The following ATP2A3 variants were observed in gnomAD, a reference collection of about 807,000 sequenced individuals.
The protein encoded by ATP2A3 is ATPase sarcoplasmic/endoplasmic reticulum Ca2+ transporting 3, also known as sarcoplasmic/endoplasmic reticulum calcium ATPase 3.
Under a neutral mutation model 106.8 loss-of-function variants are expected in ATP2A3, and 61 were observed. The observed-to-expected ratio is 0.57, with a 90% CI of 0.46 to 0.71. The LOEUF is 0.71. ATP2A3 is among the 30% of genes least tolerant of loss of function. The pLI is 0.00. For synonymous variants in ATP2A3, 611 were observed against 609.3 expected (o/e 1.00, Z -0.04); for missense variants, 1,201 against 1,423.5 (o/e 0.84, Z 2.52).
chr17:3,953,665 T>C lies in ATP2A3; in HGVS notation c.136+28A>G. On this transcript the variant is annotated intron_variant, in intron 2 of 20. Coordinates refer to ENST00000397041, the MANE Select transcript of ATP2A3 (RefSeq NM_005173.4). This position sits in a 1 kb window ranked among gnomAD's most constrained non-coding sequence, Gnocchi z 5.1. ...CGACCCAGGGATGCTGCCCGCGGCCTAGAGGTCCATCCCGGTGCCAGCCTC... is the reference window on the plus strand; with the variant it reads ...CGACCCAGGGATGCTGCCCGCGGCCCAGAGGTCCATCCCGGTGCCAGCCTC... The C allele has an allele frequency of 6.4e-7, 1 of 1,560,818 alleles. No homozygotes were observed. Among genetic ancestry groups the C allele is most frequent in the Non-Finnish European group, 8.7e-7 (1 of 1,152,188 alleles).
rs751615148 is a variant in ATP2A3, at chr17:3,936,377, G to A, written c.2414C>T (p.Thr805Met). ...VNLVTDGLPA[T>M]ALGFNPPDLD... Reference sequence around the variant, plus strand: ...GTCTGGCGGGTTGAAGCCCAGAGCCGTGGCAGGTAGGCCGTCTGTCACCAG... The same window carrying A: ...GTCTGGCGGGTTGAAGCCCAGAGCCATGGCAGGTAGGCCGTCTGTCACCAG... The change falls in exon 16 of 21, where the codon ACG becomes ATG. Residue 805 changes from threonine (T) to methionine (M), a missense_variant. Thr to Met is a moderately conservative substitution (Grantham distance 81). Transcript: ENST00000397041. This position sits in a 1 kb window ranked among gnomAD's most constrained non-coding sequence, Gnocchi z 5.4. 9 of 1,614,140 alleles carry A rather than the reference G, an allele frequency of 5.6e-6. No homozygotes were observed. Among genetic ancestry groups the A allele is most frequent in the East Asian group, 2.2e-5 (1 of 44,884 alleles).
Position 3,951,565 on chromosome 17 carries a change from C to A in ATP2A3, c.324+16G>T. The A allele has an allele frequency of 6.4e-7, 1 of 1,561,866 alleles. No individual in the cohort carries two copies. Among genetic ancestry groups the A allele is most frequent in the South Asian group, 1.2e-5 (1 of 85,276 alleles). ...GAGACCGCCCCCCGCCCGGTCCCAC[C>A]CCCAGTGCCTCCCACCTGCCACACG... is the stretch of plus-strand genomic sequence containing the variant. On this transcript the variant is annotated intron_variant, in intron 4 of 20. Transcript: ENST00000397041.
At chr17:3,933,679 T>C (rs12935907) in intron 17 of ATP2A3, among the ~76,000 whole-genome samples, 2 of 150,940 alleles carry the variant, frequency 1.3e-5, no homozygotes, top group African/African-American at 2.5e-5. Flanking sequence ...GAGGTTGCAG[T>C]GAGCCAAGAT....
chr17:3,941,528 T>A lies in ATP2A3; in HGVS notation c.1672A>T (p.Thr558Ser), dbSNP rs1171313246. Reference sequence around the variant, plus strand: ...GTGGCCAGTGCCAGGCAGCGCAGCGTGTCTGAGCCTGAGCCCCAATCCCGG... The same window carrying A: ...GTGGCCAGTGCCAGGCAGCGCAGCGAGTCTGAGCCTGAGCCCCAATCCCGG... The part of the protein sequence containing the change: ...KIRDWGSGSD[T>S]LRCLALATRD... Residue 558 changes from threonine to serine, a missense_variant, in exon 13 of 21, where the codon ACG (threonine) becomes TCG (serine). Around this residue, in one of 2 missense-constraint regions of ATP2A3, gnomAD observed 935 missense variants for 1,176.7 expected, o/e 0.79. Transcript: ENST00000397041. The A allele has an allele frequency of 1.9e-6, 3 of 1,613,722 alleles. No homozygotes were observed. The African/African-American group carries it at 4.0e-5, about 22-fold the overall frequency.
At chr17:3,939,553 C>A (rs1178391750) in intron 14 of ATP2A3, among the ~76,000 whole-genome samples, 1 of 151,982 alleles carries the variant, frequency 6.6e-6, no homozygotes, top group African/African-American at 2.4e-5. Flanking sequence ...CTTTGGGAGG[C>A]TGAGGCGGGC....
At chr17:3,943,627 G>A (rs1364923180) in intron 10 of ATP2A3, 105 bp from the exon 11 acceptor site, 7 of 1,561,326 alleles carry the variant, frequency 4.5e-6, no homozygotes, top group East Asian at 2.3e-5. Context: ...CTGGAGTTCC[G>A]TGTAACCTCC....
intron 14 of ATP2A3, among the ~76,000 whole-genome samples, chr17:3,939,633 A>G (rs1221231171): frequency 2.0e-5 from 3 of 151,724 alleles, no homozygotes; most frequent in African/African-American, 7.3e-5. Flanking sequence ...CTAAAAATAA[A>G]AAAATTAGCT....
At chr17:3,948,847 G>C (rs1055148821) in intron 7 of ATP2A3, among the ~76,000 whole-genome samples, 2 of 152,060 alleles carry the variant, frequency 1.3e-5, no homozygotes, top group Admixed American at 6.6e-5. Context: ...AAGAGTTCTG[G>C]GCCAGGTGCA....
Position 3,937,273 on chromosome 17 carries a change from A to G in ATP2A3, c.2321+143T>C. On this transcript the variant is annotated intron_variant, in intron 15 of 20. Coordinates refer to ENST00000397041, the MANE Select transcript of ATP2A3 (RefSeq NM_005173.4). The stretch of plus-strand genomic sequence containing the variant: ...AGAGGTGCTCTCCCCTGTCCACTCC[A>G]AGGTGGGACCCTGGAAAGCCCCAGC... 5.2e-6 allele frequency: 5 copies of G among 969,328 alleles called. No homozygotes were observed. The South Asian group carries it at 7.0e-5, about 14-fold the overall frequency. 60.0% of individuals were successfully genotyped at this position (969,328 alleles called of 1,614,324 possible). A position where few individuals can be genotyped will look rare whatever the true frequency, so the allele number is the denominator to read the frequency against.
Position 3,928,238 on chromosome 17 carries a change from A to C in ATP2A3, c.2980+425T>G. 6.2e-7 allele frequency: 1 copy of C among 1,613,578 alleles called. No homozygotes were observed. The highest frequency in any genetic ancestry group is 8.5e-7 in the Non-Finnish European group (1 of 1,180,014). ...CCACAAGGTGATACCAAAGAGGCCA[A>C]CCCGGTGTGGTCTGGGGTCCAAGAG... On this transcript the variant is annotated intron_variant, in intron 20 of 20. Transcript: ENST00000397041. This position sits in a 1 kb window ranked among gnomAD's most constrained non-coding sequence, Gnocchi z 6.1.
chr17:3,934,268 G>A (rs1410888251), intron 17 of ATP2A3, among the ~76,000 whole-genome samples: 2 of 151,946 alleles, frequency 1.3e-5, no homozygotes, highest in African/African-American at 4.8e-5. Context: ...CTGTCACCAA[G>A]GCTGAAGTGC....
chr17:3,959,576 T>C (rs2055024769), intron 1 of ATP2A3, among the ~76,000 whole-genome samples: 1 of 152,238 alleles, frequency 6.6e-6, no homozygotes, highest in African/African-American at 2.4e-5. Flanking sequence ...CTTCCTTCAT[T>C]GGAAACTGGT....
chr17:3,939,473 C>A (rs1219824741), intron 14 of ATP2A3, among the ~76,000 whole-genome samples: 1 of 152,004 alleles, frequency 6.6e-6, no homozygotes, highest in Non-Finnish European at 1.5e-5. Context: ...AATATTCACA[C>A]AGTGGAATGC....
intron 16 of ATP2A3, among the ~76,000 whole-genome samples, chr17:3,935,723 A>C (rs1482614193): frequency 6.6e-6 from 1 of 151,782 alleles, no homozygotes; most frequent in African/African-American, 2.4e-5. Flanking sequence ...TTTTTAGTAG[A>C]GATGGGGTTT....
At chr17:3,958,674 G>A (rs1198859327) in intron 1 of ATP2A3, among the ~76,000 whole-genome samples, 2 of 149,270 alleles carry the variant, frequency 1.3e-5, no homozygotes, top group Non-Finnish European at 3.0e-5. Flanking sequence ...TGATAATCCC[G>A]TTTTGCAAAA....
intron 20 of ATP2A3, chr17:3,927,184 C>T (rs2052755021): frequency 3.0e-6 from 3 of 985,326 alleles, no homozygotes; most frequent in African/African-American, 3.5e-5. Context: ...TAGCCTGTCC[C>T]CTCCCGCTAG....
Position 3,930,492 on chromosome 17 carries a change from GGGA to G in ATP2A3, c.2611-61_2611-59del. ...CAGGTCAGGCGAGGGGCTGGTGGGTGGGAGGAGGGAAGCCTCATCCTGCCCTTG... is the reference window on the plus strand; with the variant it reads ...CAGGTCAGGCGAGGGGCTGGTGGGTGGGAGGGAAGCCTCATCCTGCCCTTG... On this transcript the variant is annotated intron_variant, in intron 17 of 20. Transcript: ENST00000397041. The surrounding 1 kb of genome is among the most constrained non-coding windows in gnomAD (Gnocchi z 5.4). 6.2e-7 allele frequency: 1 copy of G among 1,606,862 alleles called. No homozygotes were observed. The highest frequency in any genetic ancestry group is 8.5e-7 in the Non-Finnish European group (1 of 1,178,388).
chr17:3,951,556 C>CCCT, intron 4 of ATP2A3, 25 bp downstream of exon 4: 2 of 1,345,650 alleles, frequency 1.5e-6, no homozygotes, highest in Non-Finnish European at 2.1e-6. Context: ...GCCCCCCGCC[C>CCCT]GGTCCCACCC....
intron 1 of ATP2A3, among the ~76,000 whole-genome samples, chr17:3,954,921 G>T (rs1359279537): frequency 6.6e-6 from 1 of 152,230 alleles, no homozygotes; most frequent in Non-Finnish European, 1.5e-5. Context: ...GGGAGTTCCT[G>T]CCCTGCTTCA....
Sources: allele counts gnomAD v4.1 joint callset (sites outside exome capture counted in the v4.1 genomes callset), GRCh38; gene constraint gnomAD v4.1.1; regional missense constraint gnomAD v4.1.1; non-coding constraint Gnocchi (gnomAD v3.1); transcripts MANE v1.5; gene names NCBI Gene and HGNC (gene_info 2026-07-23, HGNC 2026-07-21).